CSMD3: variants seen among roughly 807,000 people sequenced by gnomAD.
CSMD3 encodes the protein CUB and sushi domain-containing protein 3.
In CSMD3, 177 loss-of-function variants were observed where a neutral mutation model predicts 435.2. The observed-to-expected ratio is 0.41, with a 90% CI of 0.36 to 0.46. CSMD3 has a LOEUF of 0.46. Among genes scored for constraint, CSMD3 ranks in the 20% least tolerant of loss-of-function variants. CSMD3 has a pLI of 0.34. For missense variants in CSMD3, 4,265 were observed against 4,504.6 expected, an observed-to-expected ratio of 0.95 and a Z score of 1.52; for synonymous variants, 1,656 against 1,520.5, an observed-to-expected ratio of 1.09 and a Z score of -2.07.
Position 112,237,323 on chromosome 8 carries a change from A to G in CSMD3, c.10494T>C (p.Asn3498=), listed in dbSNP as rs149945195. 40 of 1,612,360 alleles carry G rather than the reference A, an allele frequency of 2.5e-5. No homozygotes were observed. In the African/African-American group the frequency reaches 4.8e-4, roughly 19 times the overall value. Reference sequence around the variant, plus strand: ...AATTGTAAGAGCCTTTCCATATATAATTTTGGGCAAATACATCATCAGGAA... The same window carrying G: ...AATTGTAAGAGCCTTTCCATATATAGTTTTGGGCAAATACATCATCAGGAA... ...LSVPDDVFAQ[N]YIWKGSYNFK... is the part of the protein sequence containing the mutation. The change falls in exon 67 of 71, where the codon AAT becomes AAC. Residue 3498 remains asparagine, a synonymous_variant. Coordinates refer to ENST00000297405, the MANE Select transcript of CSMD3 (RefSeq NM_198123.2).
intron 5 of CSMD3, among the ~76,000 whole-genome samples, chr8:113,084,548 T>C (rs905270687): frequency 6.0e-5 from 9 of 148,776 alleles, no homozygotes; most frequent in African/African-American, 1.7e-4. Context: ...ACAGATTCAA[T>C]GGAATCTCTA....
Position 112,503,879 on chromosome 8 carries a change from T to G in CSMD3, c.4994A>C (p.Glu1665Ala). The G allele has an allele frequency of 1.2e-6, 2 of 1,613,114 alleles. No individual in the cohort carries two copies. The highest frequency in any genetic ancestry group is 1.7e-6 in the Non-Finnish European group (2 of 1,179,308). ...TGTATTTGAGCTGCTTTCTATTCTC[T>G]CTGGTAACTTGCTGTCTTGAAAACT... ...IGSFQDSKLP[E>A]RIESSSNTMH... is the part of the protein sequence containing the mutation. The change falls in exon 30 of 71, where the codon GAG becomes GCG. Residue 1665 changes from glutamate to alanine, a missense_variant. Physicochemically the swap from Glu to Ala is moderately radical, Grantham distance 107 (BLOSUM62 -1). Transcript: ENST00000297405.
At chr8:112,993,586 T>C (rs1322605748) in intron 6 of CSMD3, among the ~76,000 whole-genome samples, 1 of 151,848 alleles carries the variant, frequency 6.6e-6, no homozygotes, top group East Asian at 1.9e-4. Context: ...ATAAAAATCA[T>C]ATAAGGTCTT....
At chr8:113,194,011 G>C (rs934522331) in intron 3 of CSMD3, among the ~76,000 whole-genome samples, 1 of 151,168 alleles carries the variant, frequency 6.6e-6, no homozygotes, top group African/African-American at 2.4e-5. Context: ...GAATATTGTA[G>C]AATTGAAGGA....
chr8:112,428,028 T>A (rs1264821979), intron 32 of CSMD3, among the ~76,000 whole-genome samples: 3 of 152,310 alleles, frequency 2.0e-5, no homozygotes, highest in African/African-American at 7.2e-5. Context: ...ATCAATAGTT[T>A]GATATTTTCA....
chr8:113,283,775 A>G (rs2093627851), intron 2 of CSMD3, among the ~76,000 whole-genome samples: 1 of 152,184 alleles, frequency 6.6e-6, no homozygotes, highest in Admixed American at 6.5e-5. Flanking sequence ...AGATACTTGT[A>G]CATGCATGTT....
Position 113,154,637 on chromosome 8 carries a change from C to T in CSMD3, c.709+19085G>A, listed in dbSNP as rs559308594. On this transcript the variant is annotated intron_variant, in intron 4 of 70. Transcript: ENST00000297405. ...GAATATAGTGAATAACAGAAGTAAACATATTGCGCAGTTGCTGCAGAATGA... is the reference window on the plus strand; with the variant it reads ...GAATATAGTGAATAACAGAAGTAAATATATTGCGCAGTTGCTGCAGAATGA... Among the ~76,000 whole-genome samples the T allele has an allele frequency of 2.0e-5, 3 of 152,058 alleles. No individual in the cohort carries two copies. The South Asian group carries it at 6.2e-4, about 32-fold the overall frequency.
At chr8:113,410,741 G>A (rs2094554335) in intron 1 of CSMD3, among the ~76,000 whole-genome samples, 1 of 142,844 alleles carries the variant, frequency 7.0e-6, no homozygotes. Flanking sequence ...ATCTGTACTG[G>A]AAAAAAAAAA....
At chr8:113,313,036 C>G (rs2093882000) in intron 2 of CSMD3, 1 of 152,168 alleles carries the variant, frequency 6.6e-6, no homozygotes, top group Non-Finnish European at 1.5e-5. Flanking sequence ...TTTTAAGTGT[C>G]ATCTGACTGG....
chr8:113,316,119 T>C (rs962188283), intron 1 of CSMD3, among the ~76,000 whole-genome samples: 4 of 152,174 alleles, frequency 2.6e-5, no homozygotes, highest in Admixed American at 1.3e-4. Flanking sequence ...GTAGGCTACA[T>C]GCTAATAAAA....
intron 13 of CSMD3, among the ~76,000 whole-genome samples, chr8:112,742,224 T>C (rs994840396): frequency 6.6e-6 from 1 of 151,996 alleles, no homozygotes; most frequent in Non-Finnish European, 1.5e-5. Flanking sequence ...AAACACCATG[T>C]TAGTAATTTC....
chr8:112,242,869 G>A (rs1814301228), intron 65 of CSMD3, among the ~76,000 whole-genome samples: 1 of 152,042 alleles, frequency 6.6e-6, no homozygotes, highest in Non-Finnish European at 1.5e-5. Context: ...AGCTGTTGAA[G>A]CCACTGGTTT....
intron 32 of CSMD3, among the ~76,000 whole-genome samples, chr8:112,451,752 G>T (rs1336207707): frequency 6.6e-6 from 1 of 152,048 alleles, no homozygotes; most frequent in African/African-American, 2.4e-5. Flanking sequence ...TGGTCAGGCT[G>T]GTCTCGAACT....
At chr8:112,861,434 T>C (rs2080824360) in intron 10 of CSMD3, among the ~76,000 whole-genome samples, 1 of 151,966 alleles carries the variant, frequency 6.6e-6, no homozygotes, top group Non-Finnish European at 1.5e-5. Flanking sequence ...TACACTTTAC[T>C]TGTGCCAGAA....
At chr8:112,882,845 T>C in intron 10 of CSMD3, among the ~76,000 whole-genome samples, 1 of 151,994 alleles carries the variant, frequency 6.6e-6, no homozygotes, top group African/African-American at 2.4e-5. Context: ...TTAAAGACTT[T>C]TCATAACAGG....
intron 3 of CSMD3, among the ~76,000 whole-genome samples, chr8:113,242,490 A>T (rs2093229892): frequency 6.6e-6 from 1 of 152,004 alleles, no homozygotes; most frequent in Non-Finnish European, 1.5e-5. Context: ...AAGTTCACCA[A>T]TCTGAAAATC....
intron 3 of CSMD3, among the ~76,000 whole-genome samples, chr8:113,257,657 G>T (rs892054733): frequency 3.3e-5 from 5 of 152,110 alleles, no homozygotes; most frequent in African/African-American, 1.2e-4. Flanking sequence ...GCAAAACATT[G>T]ATGTATGTAC....
chr8:112,532,010 T>TTA (rs1009564102), intron 27 of CSMD3, among the ~76,000 whole-genome samples: 2 of 151,274 alleles, frequency 1.3e-5, no homozygotes, highest in African/African-American at 2.4e-5. Flanking sequence ...ATTAGATAAA[T>TTA]TATATATATA....
Position 112,776,462 on chromosome 8 carries a change from A to T in CSMD3, c.1972+23700T>A, listed in dbSNP as rs1036198726. ...TTGAAGTGTCAAAAAGATATAATTT[A>T]CTTTCTTTCATTTACTTTTGGTATG... On this transcript the variant is annotated intron_variant, in intron 13 of 70. Transcript: ENST00000297405. 2.0e-5 allele frequency among the ~76,000 whole-genome samples: 3 copies of T among 151,770 alleles called. No homozygotes were observed. The East Asian group carries it at 5.8e-4, about 29-fold the overall frequency.
Sources: allele counts gnomAD v4.1 joint callset (sites outside exome capture counted in the v4.1 genomes callset), GRCh38; gene constraint gnomAD v4.1.1; transcripts MANE v1.5; gene names NCBI Gene and HGNC (gene_info 2026-07-23, HGNC 2026-07-21).